The following EPHA5 variants were observed in gnomAD, a reference collection of about 807,000 sequenced individuals.
EPHA5 encodes EPH receptor A5.
EPHA5 carries 60 observed loss-of-function variants against 105.0 expected under a neutral mutation model. That is an observed-to-expected ratio of 0.57 (90% CI 0.46 to 0.71). The LOEUF (loss-of-function observed/expected upper bound fraction) is 0.71. Among genes scored for constraint, EPHA5 ranks in the 30% least tolerant of loss-of-function variants. The pLI, the probability that EPHA5 is intolerant of heterozygous loss-of-function variation, is 0.00. For synonymous variants in EPHA5, 513 were observed against 449.1 expected, an observed-to-expected ratio of 1.14 and a Z score of -1.80; for missense variants, 1,218 against 1,274.7, an observed-to-expected ratio of 0.96 and a Z score of 0.68.
At chr4:65,331,842 G>C in intron 16 of EPHA5, 131 bp downstream of exon 16, 2 of 1,423,234 alleles carry the variant, frequency 1.4e-6, no homozygotes, top group Middle Eastern at 1.9e-4. Context: ...GGCTAAAGAT[G>C]ATGAGGCTTC....
chr4:65,414,685 C>T lies in EPHA5; in HGVS notation c.1528-242G>A, dbSNP rs113351818. ...TCCACCCATCCGGAATACATGTCTT[C>T]GGCAGTAATAAATTTCTAAAACTTT... On this transcript the variant is annotated intron_variant, in intron 6 of 16. Transcript: ENST00000613740. 1.3e-3 allele frequency among the ~76,000 whole-genome samples: 200 copies of T among 152,210 alleles called. 1 individual carries two copies. Among genetic ancestry groups the T allele is most frequent in the African/African-American group, 4.5e-3 (188 of 41,524 alleles).
At chr4:65,455,022 G>A (rs1397224889) in intron 5 of EPHA5, among the ~76,000 whole-genome samples, 1 of 152,064 alleles carries the variant, frequency 6.6e-6, no homozygotes. Context: ...GAGGCGGGCA[G>A]ATCACAAGGT....
Position 65,490,432 on chromosome 4 carries a change from G to T in EPHA5, c.1347C>A (p.Asp449Glu), listed in dbSNP as rs1228970137. The T allele has an allele frequency of 6.2e-7, 1 of 1,614,140 alleles. No individual in the cohort carries two copies. Among genetic ancestry groups the T allele is most frequent in the Admixed American group, 1.7e-5 (1 of 60,024 alleles). ...CATACTGCCGGGCTCCTGGGCTCAA[G>T]TCGGACACTCCATTCACTGCCTCAA... ...FEIEAVNGVS[D>E]LSPGARQYVS... is the part of the protein sequence containing the mutation. Residue 449 changes from aspartate to glutamate, a missense_variant, in exon 5 of 17, where the codon GAC becomes GAA. Transcript: ENST00000613740.
intron 16 of EPHA5, chr4:65,330,546 A>G (rs1720512164): frequency 4.6e-6 from 2 of 431,868 alleles, no homozygotes; most frequent in South Asian, 2.1e-4. Flanking sequence ...TTTAATAACA[A>G]AAGAGACATT....
chr4:65,614,983 A>C (rs1295118627), intron 2 of EPHA5, among the ~76,000 whole-genome samples: 4 of 151,878 alleles, frequency 2.6e-5, no homozygotes, highest in African/African-American at 4.8e-5. Context: ...TGTTATATGG[A>C]GTTTACAAGT....
intron 8 of EPHA5, among the ~76,000 whole-genome samples, chr4:65,373,517 GAAAGGAA>G (rs1323761132): frequency 6.6e-6 from 1 of 151,780 alleles, no homozygotes; most frequent in East Asian, 1.9e-4. Flanking sequence ...TTAATATAGA[GAAAGGAA>G]AATATATTTA....
At chr4:65,631,789 T>C (rs1243646461) in intron 2 of EPHA5, among the ~76,000 whole-genome samples, 3 of 151,808 alleles carry the variant, frequency 2.0e-5, no homozygotes, top group African/African-American at 7.2e-5. Context: ...TGGATAAAGG[T>C]CATTTTCCAA....
chr4:65,326,878 T>C (rs1186001346), intron 16 of EPHA5, among the ~76,000 whole-genome samples: 3 of 151,192 alleles, frequency 2.0e-5, no homozygotes, highest in Non-Finnish European at 3.0e-5. Context: ...ATTATTTATT[T>C]TGAATGACCT....
At chr4:65,501,123 A>G (rs897939400) in intron 3 of EPHA5, among the ~76,000 whole-genome samples, 20 of 151,506 alleles carry the variant, frequency 1.3e-4, no homozygotes, top group Non-Finnish European at 2.5e-4. Context: ...GTGTTTGCTA[A>G]GAAAAACAAA....
intron 5 of EPHA5, among the ~76,000 whole-genome samples, chr4:65,439,304 C>T (rs1397233186): frequency 6.6e-6 from 1 of 152,102 alleles, no homozygotes; most frequent in Non-Finnish European, 1.5e-5. Flanking sequence ...CACTTTGGTA[C>T]TGCTTAGATT....
chr4:65,427,326 G>A (rs1045408273), intron 5 of EPHA5, among the ~76,000 whole-genome samples: 4 of 151,320 alleles, frequency 2.6e-5, no homozygotes, highest in African/African-American at 9.7e-5. Context: ...CTGGGGTTAA[G>A]GCGCCTGCCA....
At chr4:65,546,932 T>C (rs541972234) in intron 3 of EPHA5, among the ~76,000 whole-genome samples, 2 of 152,078 alleles carry the variant, frequency 1.3e-5, no homozygotes, top group African/African-American at 2.4e-5. Context: ...GTACGCGTAA[T>C]ACATTCATTG....
chr4:65,606,225 A>C (rs1042970272), intron 2 of EPHA5, among the ~76,000 whole-genome samples: 1 of 152,188 alleles, frequency 6.6e-6, no homozygotes, highest in African/African-American at 2.4e-5. Context: ...AGAGGCAGGC[A>C]TGCATGATTT....
intron 8 of EPHA5, among the ~76,000 whole-genome samples, chr4:65,382,391 G>C (rs79113909): frequency 9.3e-5 from 14 of 151,244 alleles, no homozygotes; most frequent in Admixed American, 2.6e-4. Flanking sequence ...CTTCCTCCAC[G>C]AATGCCACAG....
chr4:65,382,996 A>G (rs534840502), intron 8 of EPHA5, among the ~76,000 whole-genome samples: 38 of 150,440 alleles, frequency 2.5e-4, no homozygotes, highest in African/African-American at 8.7e-4. Flanking sequence ...TTTGGTAAGT[A>G]TGTATATATA....
chr4:65,518,038 G>A (rs575348606), intron 3 of EPHA5, among the ~76,000 whole-genome samples: 70 of 151,958 alleles, frequency 4.6e-4, no homozygotes, highest in African/African-American at 1.6e-3. Flanking sequence ...TTAAGTGATA[G>A]TTAATTTTCT....
chr4:65,660,718 A>C (rs994356913), intron 1 of EPHA5, among the ~76,000 whole-genome samples: 1 of 152,066 alleles, frequency 6.6e-6, no homozygotes, highest in African/African-American at 2.4e-5. Context: ...CCTGGTCTCT[A>C]CATCTCCCCA....
intron 5 of EPHA5, among the ~76,000 whole-genome samples, chr4:65,424,515 G>A (rs1375812306): frequency 2.6e-5 from 4 of 152,170 alleles, no homozygotes; most frequent in East Asian, 1.9e-4. Context: ...CAGGTACAAT[G>A]TCAGGTACAG....
In EPHA5 at chr4:65,593,588, G is replaced by GCTGC. The variant is rs375089049; in HGVS notation, c.910+8049_910+8052dup. ...TAAAAAATTCCCAGGTGATGCCAAT[G>GCTGC]CTGCCGGTCCATGTATCATTTCTAA... On this transcript the variant is annotated intron_variant, in intron 3 of 16. Transcript: ENST00000613740. Among the ~76,000 whole-genome samples the GCTGC allele has an allele frequency of 4.9e-3, 742 of 152,276 alleles. 10 individuals carry two copies. The highest frequency in any genetic ancestry group is 0.017 in the African/African-American group (708 of 41,546).
Sources: gnomAD v4.1 joint callset for allele counts (sites outside exome capture counted in the v4.1 genomes callset) on GRCh38, gnomAD v4.1.1 for gene constraint, MANE v1.5 for transcripts, NCBI Gene and HGNC (gene_info 2026-07-23, HGNC 2026-07-21) for gene names.